The following C11orf54 variants were observed in gnomAD, a reference collection of about 807,000 sequenced individuals.
The protein encoded by C11orf54 is beta-keto-L-gulonate decarboxylase, also known as beta-keto L-gulonate decarboxylase.
C11orf54 carries 29 observed loss-of-function variants against 35.5 expected under a neutral mutation model. The ratio of observed to expected loss-of-function variants is 0.82; its 90% CI spans 0.61 to 1.11. The LOEUF is 1.11. Ranked by LOEUF, C11orf54 falls within the 50% of genes most tolerant of loss-of-function variation. The pLI is 0.00. For missense variants in C11orf54, 373 were observed against 369.2 expected, an observed-to-expected ratio of 1.01 and a Z score of -0.08; for synonymous variants, 108 against 121.1, an observed-to-expected ratio of 0.89 and a Z score of 0.71.
intron 2 of C11orf54, 44 bp downstream of exon 2, chr11:93,747,492 A>C: frequency 6.8e-7 from 1 of 1,471,580 alleles, no homozygotes; most frequent in Non-Finnish European, 9.3e-7. Context: ...TTATCCCAAG[A>C]GAAAATTCTT....
At chr11:93,750,682 G>A (rs560483676) in intron 3 of C11orf54, among the ~76,000 whole-genome samples, 3 of 152,316 alleles carry the variant, frequency 2.0e-5, no homozygotes, top group Admixed American at 6.5e-5. Context: ...TTGTAGAATA[G>A]ATATCCAATA....
chr11:93,761,179 A>G (rs1291138259), intron 8 of C11orf54, among the ~76,000 whole-genome samples: 1 of 152,228 alleles, frequency 6.6e-6, no homozygotes, highest in African/African-American at 2.4e-5. Context: ...ATATACAAAG[A>G]TCTCAAAACT....
At position 93,753,425 on chromosome 11, in the gene C11orf54, C is replaced by T. The variant is rs534837246; in HGVS notation, c.155-257C>T. 2.1e-4 allele frequency among the ~76,000 whole-genome samples: 32 copies of T among 152,278 alleles called. No homozygotes were observed. The South Asian group carries it at 3.7e-3, about 18-fold the overall frequency. ...ACCTTACCCAATCCAAACTTTGGCC[C>T]CAGTTCTAACCCTTGCCCTTGCCTT... is the stretch of plus-strand genomic sequence containing the variant. On this transcript the variant is annotated intron_variant, in intron 3 of 8. Transcript: ENST00000354421.
chr11:93,753,939 T>C lies in C11orf54; in HGVS notation c.232T>C (p.Tyr78His). The change falls in exon 5 of 9, where the codon TAT (tyrosine) becomes CAT (histidine). Residue 78 changes from tyrosine (Y) to histidine (H), a missense_variant. Tyr to His is a moderately conservative substitution (Grantham distance 83). Transcript: ENST00000354421. ...AATATTTTTTCCTCTTCTATAGGTTTATGATCTGAATAAAATTGCAAAAGA... is the reference window on the plus strand; with the variant it reads ...AATATTTTTTCCTCTTCTATAGGTTCATGATCTGAATAAAATTGCAAAAGA... ...LLPLVNQKKV[Y>H]DLNKIAKEIK... The C allele has an allele frequency of 6.2e-7, 1 of 1,613,724 alleles. No homozygotes were observed. The highest frequency in any genetic ancestry group is 1.7e-4 in the Middle Eastern group (1 of 6,060).
Position 93,753,933 on chromosome 11 carries a change from T to C in C11orf54, c.229-3T>C, listed in dbSNP as rs1942983243. ...TTAAATAATATTTTTTCCTCTTCTA[T>C]AGGTTTATGATCTGAATAAAATTGC... On this transcript the variant is annotated splice_polypyrimidine_tract_variant and splice_region_variant and intron_variant, in intron 4 of 8. Transcript: ENST00000354421. 6.2e-7 allele frequency: 1 copy of C among 1,612,634 alleles called. No individual in the cohort carries two copies. Among genetic ancestry groups the C allele is most frequent in the African/African-American group, 1.3e-5 (1 of 74,884 alleles).
chr11:93,749,210 A>G (rs1258314483), intron 2 of C11orf54, among the ~76,000 whole-genome samples: 1 of 151,764 alleles, frequency 6.6e-6, no homozygotes, highest in Admixed American at 6.6e-5. Context: ...AGGCTGATGC[A>G]GTGGCTCATG....
At chr11:93,745,952 A>C (rs1211750827) in intron 1 of C11orf54, 4 of 152,404 alleles carry the variant, frequency 2.6e-5, no homozygotes, top group Non-Finnish European at 5.9e-5. Context: ...ATTGCACTCC[A>C]GCCTGGGTGA....
At chr11:93,756,614 C>T (rs1565271084) in intron 6 of C11orf54, among the ~76,000 whole-genome samples, 1 of 151,832 alleles carries the variant, frequency 6.6e-6, no homozygotes, top group African/African-American at 2.4e-5. Flanking sequence ...ATAAATAATG[C>T]CTACTTACAG....
intron 7 of C11orf54, among the ~76,000 whole-genome samples, chr11:93,757,824 G>A (rs1436737789): frequency 6.6e-6 from 1 of 151,542 alleles, no homozygotes; most frequent in Non-Finnish European, 1.5e-5. Flanking sequence ...ACGCTGCACC[G>A]GGCCAGATCT....
intron 3 of C11orf54, among the ~76,000 whole-genome samples, chr11:93,751,139 G>A (rs771568391): frequency 2.0e-5 from 3 of 152,162 alleles, no homozygotes; most frequent in Non-Finnish European, 4.4e-5. Context: ...AACACTCAAA[G>A]TGTTCTTTTT....
chr11:93,753,974 G>GC lies in C11orf54; in HGVS notation c.269dup (p.Gly91TrpfsTer20). The stretch of plus-strand genomic sequence containing the variant: ...ATAAAATTGCAAAAGAAATCAAGCT[G>GC]CCTGGAGCCTTTATTCTTGGAGCAG... On this transcript the variant is annotated frameshift_variant, in exon 5 of 9. Coordinates refer to ENST00000354421, the MANE Select transcript of C11orf54 (RefSeq NM_001286069.2). LOFTEE classifies it high-confidence loss of function. The GC allele has an allele frequency of 6.2e-7, 1 of 1,614,100 alleles. No homozygotes were observed. The highest frequency in any genetic ancestry group is 8.5e-7 in the Non-Finnish European group (1 of 1,179,992).
intron 8 of C11orf54, 97 bp downstream of exon 8, chr11:93,759,955 T>A (rs1448640876): frequency 1.3e-6 from 1 of 767,578 alleles, no homozygotes; most frequent in Admixed American, 2.4e-5. Context: ...TTGTTGTTGT[T>A]GTTGTTTTGA....
chr11:93,753,267 A>G (rs1942943173), intron 3 of C11orf54, among the ~76,000 whole-genome samples: 2 of 152,184 alleles, frequency 1.3e-5, no homozygotes. Context: ...GTGAGCCACC[A>G]TCTGAGAATT....
At chr11:93,761,492 A>G (rs768684253) in intron 8 of C11orf54, 23 bp from the exon 9 acceptor site, 3 of 1,578,678 alleles carry the variant, frequency 1.9e-6, no homozygotes, top group Non-Finnish European at 2.6e-6. Context: ...GAGTACTAAC[A>G]TATTGTTTGT....
chr11:93,747,808 A>G (rs1386391748), intron 2 of C11orf54, among the ~76,000 whole-genome samples: 1 of 152,138 alleles, frequency 6.6e-6, no homozygotes, highest in Non-Finnish European at 1.5e-5. Flanking sequence ...TTTCACTTAC[A>G]TTATTCTTTA....
chr11:93,746,112 T>C lies in C11orf54; in HGVS notation c.-97-1185T>C, dbSNP rs187107243. 3.9e-5 allele frequency: 6 copies of C among 152,272 alleles called. No homozygotes were observed. The East Asian group carries it at 7.7e-4, about 20-fold the overall frequency. 9.4% of individuals were successfully genotyped at this position (152,272 alleles called of 1,614,324 possible). A position where few individuals can be genotyped will look rare whatever the true frequency, so the allele number is the denominator to read the frequency against. On this transcript the variant is annotated intron_variant, in intron 1 of 8. Transcript: ENST00000354421. ...AATATAACATCCTAAATGTTTGCAA[T>C]AGAATGATTATAGAGGATATGTTGT... is the stretch of plus-strand genomic sequence containing the variant.
chr11:93,759,203 C>T (rs139850405), intron 7 of C11orf54, among the ~76,000 whole-genome samples: 2,086 of 152,256 alleles, frequency 0.014, 46 homozygotes, highest in African/African-American at 0.047. Flanking sequence ...TAAAGATACA[C>T]GCACACATAT....
chr11:93,744,341 T>C (rs576261818), intron 1 of C11orf54, among the ~76,000 whole-genome samples: 138 of 152,312 alleles, frequency 9.1e-4, no homozygotes, highest in African/African-American at 3.1e-3. Context: ...GGGACATAAA[T>C]AAACGGAAAC....
intron 2 of C11orf54, among the ~76,000 whole-genome samples, chr11:93,750,006 T>C (rs1942727281): frequency 6.6e-6 from 1 of 152,188 alleles, no homozygotes; most frequent in Admixed American, 6.5e-5. Context: ...TTGTTACATG[T>C]GATTGCTTAC....
Sources: gnomAD v4.1 joint callset for allele counts (sites outside exome capture counted in the v4.1 genomes callset) on GRCh38, gnomAD v4.1.1 for gene constraint, MANE v1.5 for transcripts, NCBI Gene and HGNC (gene_info 2026-07-23, HGNC 2026-07-21) for gene names.